Variants in RORA observed in about 807,000 individuals in gnomAD.
RORA encodes the protein RAR related orphan receptor A, also known as nuclear receptor ROR-alpha.
Under a neutral mutation model 69.5 loss-of-function variants are expected in RORA, and 7 were observed. The ratio of observed to expected loss-of-function variants is 0.10; its 90% CI spans 0.06 to 0.19. The LOEUF is 0.19. Ranked by LOEUF, RORA falls within the 10% of genes least tolerant of loss-of-function variation. The pLI is 1.00. For missense variants in RORA, 457 were observed against 663.0 expected, an observed-to-expected ratio of 0.69 and a Z score of 3.41; for synonymous variants, 261 against 240.8, an observed-to-expected ratio of 1.08 and a Z score of -0.78.
intron 1 of RORA, among the ~76,000 whole-genome samples, chr15:61,095,186 G>A (rs1180133211): frequency 1.3e-5 from 2 of 152,184 alleles, no homozygotes; most frequent in Non-Finnish European, 2.9e-5. Flanking sequence ...GTGTTCTGGA[G>A]GCTGAGCTGG....
intron 1 of RORA, among the ~76,000 whole-genome samples, chr15:61,082,263 C>T (rs1342095814): frequency 6.6e-6 from 1 of 152,112 alleles, no homozygotes; most frequent in Non-Finnish European, 1.5e-5. Flanking sequence ...CCGCGGCGGG[C>T]GAATCACCTG....
In RORA at chr15:60,531,621, C is replaced by T. The variant is rs745361600; in HGVS notation, c.282+145G>A. On this transcript the variant is annotated intron_variant, in intron 3 of 10. Transcript: ENST00000335670. The surrounding 1 kb of genome is among the most constrained non-coding windows in gnomAD (Gnocchi z 4.8). ...TATAACTTCTTTAATTGTAATTTAACACCAAAATATTTCTTCTATCCTGTA... is the reference window on the plus strand; with the variant it reads ...TATAACTTCTTTAATTGTAATTTAATACCAAAATATTTCTTCTATCCTGTA... 14 of 566,176 alleles carry T rather than the reference C, an allele frequency of 2.5e-5. No homozygotes were observed. Among genetic ancestry groups the T allele is most frequent in the Non-Finnish European group, 3.7e-5 (12 of 323,066 alleles). 35.1% of individuals were successfully genotyped at this position (566,176 alleles called of 1,614,324 possible). A position where few individuals can be genotyped will look rare whatever the true frequency, so the allele number is the denominator to read the frequency against.
In RORA at chr15:60,495,128, C is replaced by T. The variant is rs2065135300; in HGVS notation, c.*2327G>A. ...AACCAAAAAACTAAAACACAAAACT[C>T]AAACAAAAACAAAACACCATTTCCC... On this transcript the variant is annotated 3_prime_UTR_variant, in exon 11 of 11. Coordinates refer to ENST00000335670, the MANE Select transcript of RORA (RefSeq NM_134261.3). 1 of 151,914 alleles carries T rather than the reference C, an allele frequency of 6.6e-6. No homozygotes were observed. Among genetic ancestry groups the T allele is most frequent in the Non-Finnish European group, 1.5e-5 (1 of 67,968 alleles). 9.4% of individuals were successfully genotyped at this position (151,914 alleles called of 1,614,324 possible). A position where few individuals can be genotyped will look rare whatever the true frequency, so the allele number is the denominator to read the frequency against.
At chr15:60,973,711 C>G (rs1893794312) in intron 1 of RORA, among the ~76,000 whole-genome samples, 1 of 152,164 alleles carries the variant, frequency 6.6e-6, no homozygotes, top group South Asian at 2.1e-4. Context: ...ACTGTCAGGG[C>G]CAGGCCTCAA....
intron 2 of RORA, chr15:60,614,773 C>A: frequency 2.6e-6 from 2 of 777,000 alleles, no homozygotes; most frequent in African/African-American, 1.7e-5. Context: ...AAATAGGATA[C>A]TTAATATTTA....
At chr15:60,523,028 A>T (rs1360344688) in intron 3 of RORA, among the ~76,000 whole-genome samples, 1 of 148,294 alleles carries the variant, frequency 6.7e-6, no homozygotes, top group Non-Finnish European at 1.5e-5. Flanking sequence ...ACAGGGCGAG[A>T]CTCTGCCTCA....
chr15:61,036,176 C>A (rs1300775617), intron 1 of RORA, among the ~76,000 whole-genome samples: 5 of 152,166 alleles, frequency 3.3e-5, no homozygotes, highest in Non-Finnish European at 5.9e-5. Flanking sequence ...TTGGAGGCAG[C>A]AACCAGGGAA....
At chr15:60,855,960 T>C (rs1053482939) in intron 1 of RORA, among the ~76,000 whole-genome samples, 8 of 152,212 alleles carry the variant, frequency 5.3e-5, no homozygotes, top group African/African-American at 1.7e-4. Flanking sequence ...TAAATTGAAC[T>C]AATATTAAAT....
intron 1 of RORA, among the ~76,000 whole-genome samples, chr15:61,101,231 C>G (rs2078874175): frequency 6.6e-6 from 1 of 152,124 alleles, no homozygotes; most frequent in African/African-American, 2.4e-5. Context: ...GGCCCCTCCT[C>G]TTAGGGTAGG....
At chr15:60,565,016 C>A (rs943559457) in intron 2 of RORA, among the ~76,000 whole-genome samples, 1 of 152,070 alleles carries the variant, frequency 6.6e-6, no homozygotes, top group Non-Finnish European at 1.5e-5. Flanking sequence ...TGTATTCTAC[C>A]AATATCTCAG....
At chr15:61,028,380 G>T (rs1895943908) in intron 1 of RORA, among the ~76,000 whole-genome samples, 1 of 152,124 alleles carries the variant, frequency 6.6e-6, no homozygotes. Flanking sequence ...TAGATAAGTA[G>T]ACTGCCAGAA....
chr15:61,082,286 G>A (rs1354354984), intron 1 of RORA, among the ~76,000 whole-genome samples: 1 of 152,172 alleles, frequency 6.6e-6, no homozygotes, highest in Non-Finnish European at 1.5e-5. Context: ...GTCAGGAGTT[G>A]GAGATCAGCC....
At chr15:60,671,111 G>A (rs953713479) in intron 2 of RORA, among the ~76,000 whole-genome samples, 5 of 113,420 alleles carry the variant, frequency 4.4e-5, no homozygotes, top group African/African-American at 2.0e-4. Flanking sequence ...TTTCCTGAGC[G>A]TTCTGTTAGC....
At chr15:60,721,438 T>C (rs1275124606) in intron 1 of RORA, among the ~76,000 whole-genome samples, 2 of 152,230 alleles carry the variant, frequency 1.3e-5, no homozygotes, top group Non-Finnish European at 2.9e-5. Context: ...TGGGCTTCCA[T>C]TACAATAATA....
At chr15:60,665,985 T>C (rs1232565821) in intron 2 of RORA, among the ~76,000 whole-genome samples, 1 of 152,126 alleles carries the variant, frequency 6.6e-6, no homozygotes, top group Admixed American at 6.5e-5. Flanking sequence ...TATTCTTTCT[T>C]ATAGCTGTTA....
intron 1 of RORA, among the ~76,000 whole-genome samples, chr15:61,054,369 T>C (rs1381125401): frequency 6.6e-6 from 1 of 152,012 alleles, no homozygotes; most frequent in Non-Finnish European, 1.5e-5. Flanking sequence ...TCTTCATTAG[T>C]TAGCACAGCT....
intron 1 of RORA, among the ~76,000 whole-genome samples, chr15:60,808,488 T>A (rs574230281): frequency 6.6e-6 from 1 of 152,104 alleles, no homozygotes; most frequent in Admixed American, 6.6e-5. Context: ...ACAACCACTA[T>A]GGAAAACTGG....
At chr15:60,929,707 T>C (rs1478990723) in intron 1 of RORA, among the ~76,000 whole-genome samples, 1 of 152,144 alleles carries the variant, frequency 6.6e-6, no homozygotes, top group African/African-American at 2.4e-5. Context: ...CAGGAGGTTT[T>C]CCCGCTTCGC....
chr15:60,998,402 CTT>C (rs35933156), intron 1 of RORA, among the ~76,000 whole-genome samples: 61 of 146,618 alleles, frequency 4.2e-4, no homozygotes, highest in Non-Finnish European at 4.4e-4. Flanking sequence ...ATATTTCTTT[CTT>C]TTTTTTTTTT....
Sources: gnomAD v4.1 joint callset for allele counts (sites outside exome capture counted in the v4.1 genomes callset) on GRCh38, gnomAD v4.1.1 for gene constraint, Gnocchi (gnomAD v3.1) non-coding constraint, MANE v1.5 for transcripts, NCBI Gene and HGNC (gene_info 2026-07-23, HGNC 2026-07-21) for gene names.